ZFPM1: variants seen among roughly 807,000 people sequenced by gnomAD.
The protein encoded by ZFPM1 is zinc finger protein ZFPM1.
A neutral mutation model predicts 46.3 loss-of-function variants in ZFPM1; 28 were observed. That is an observed-to-expected ratio of 0.60 (90% CI 0.45 to 0.83). ZFPM1 has a LOEUF of 0.83. Among genes scored for constraint, ZFPM1 ranks in the 40% least tolerant of loss-of-function variants. ZFPM1 has a pLI of 0.00. For synonymous variants in ZFPM1, 957 were observed against 675.9 expected (o/e 1.42, Z -6.45); for missense variants, 1,878 against 1,432.4 (o/e 1.31, Z -5.02).
intron 1 of ZFPM1, among the ~76,000 whole-genome samples, chr16:88,467,394 C>G (rs991331469): frequency 5.3e-5 from 8 of 152,254 alleles, no homozygotes; most frequent in African/African-American, 1.9e-4. Flanking sequence ...GCCAACCCCC[C>G]TGAGGTCTCC....
At chr16:88,526,724 CCGT>C (rs1251505393) in intron 4 of ZFPM1, 87 bp from the exon 5 acceptor site, 1 of 1,380,686 alleles carries the variant, frequency 7.2e-7, no homozygotes, top group Non-Finnish European at 9.9e-7. Context: ...GGAGGCAGAT[CCGT>C]GTCACAGATG....
chr16:88,509,442 A>G (rs1210432038), intron 3 of ZFPM1, among the ~76,000 whole-genome samples: 1 of 152,188 alleles, frequency 6.6e-6, no homozygotes, highest in Non-Finnish European at 1.5e-5. Context: ...CGAGACTACC[A>G]GCCATTAGGC....
At chr16:88,453,082 G>C (rs1001376760), upstream of ZFPM1, among the ~76,000 whole-genome samples, 1 of 151,108 alleles carries the variant, frequency 6.6e-6, no homozygotes, top group African/African-American at 2.4e-5. Flanking sequence ...CGAGGCGGGC[G>C]GGGGCGCGGT....
At chr16:88,464,879 C>T (rs1908062625) in intron 1 of ZFPM1, among the ~76,000 whole-genome samples, 1 of 152,340 alleles carries the variant, frequency 6.6e-6, no homozygotes, top group East Asian at 1.9e-4. Flanking sequence ...AGCCTCTCCA[C>T]CCATTAACAT....
chr16:88,511,213 C>T (rs1597263556), intron 3 of ZFPM1, among the ~76,000 whole-genome samples: 1 of 152,194 alleles, frequency 6.6e-6, no homozygotes, highest in Non-Finnish European at 1.5e-5. Context: ...CCTGTGTTTT[C>T]TGGGAGCCCC....
intron 4 of ZFPM1, among the ~76,000 whole-genome samples, chr16:88,517,256 G>T (rs1481671164): frequency 6.6e-6 from 1 of 150,812 alleles, no homozygotes; most frequent in Non-Finnish European, 1.5e-5. Flanking sequence ...ATGGATGGAT[G>T]GATGGATGGA....
chr16:88,500,821 G>T (rs116727028), intron 3 of ZFPM1, among the ~76,000 whole-genome samples: 1 of 152,244 alleles, frequency 6.6e-6, no homozygotes, highest in African/African-American at 2.4e-5. Context: ...GCAAGTCTGC[G>T]TGGTCAGCTC....
intron 4 of ZFPM1, among the ~76,000 whole-genome samples, chr16:88,521,869 C>A (rs1911930801): frequency 6.7e-6 from 1 of 150,118 alleles, no homozygotes. Context: ...TCCCTCCTCT[C>A]TGTTTCCTCC....
chr16:88,462,849 G>A (rs1019899553), intron 1 of ZFPM1, among the ~76,000 whole-genome samples: 3 of 152,128 alleles, frequency 2.0e-5, no homozygotes, highest in African/African-American at 4.8e-5. Context: ...CTATAAAATG[G>A]AGCAGTGATG....
At chr16:88,527,683 G>A (rs999183962) in intron 5 of ZFPM1, among the ~76,000 whole-genome samples, 3 of 151,968 alleles carry the variant, frequency 2.0e-5, no homozygotes, top group African/African-American at 4.8e-5. Flanking sequence ...CTGGAGAGCC[G>A]GGTCCACTCT....
At chr16:88,472,203 G>A (rs558285650) in intron 1 of ZFPM1, among the ~76,000 whole-genome samples, 1 of 151,784 alleles carries the variant, frequency 6.6e-6, no homozygotes, top group South Asian at 2.1e-4. Flanking sequence ...GCACGGTGGT[G>A]GGCAGGGCAG....
intron 3 of ZFPM1, among the ~76,000 whole-genome samples, chr16:88,506,955 C>A (rs1484056058): frequency 2.6e-5 from 4 of 152,262 alleles, no homozygotes; most frequent in Non-Finnish European, 5.9e-5. Flanking sequence ...TCCATCTCGG[C>A]TGTCCCGAGT....
intron 4 of ZFPM1, chr16:88,516,787 TTC>T (rs1340143792): frequency 7.7e-6 from 3 of 388,576 alleles, no homozygotes. Context: ...CCAGTTTTTC[TTC>T]TCTCTTTGTA....
Position 88,526,889 on chromosome 16 carries a change from G to T in ZFPM1, c.478G>T (p.Glu160Ter). Residue 160 changes from glutamate to a stop codon, truncating the protein, a stop_gained, in exon 5 of 10, where the codon GAG becomes TAG. Transcript: ENST00000319555. LOFTEE classifies it high-confidence loss of function. ...GCTGCCCCAGGCCCTGACTGAGGCC[G>T]AGGCCAACACAGAGATCCACAGGAA... ...RTLPQALTEA[E>*]ANTEIHRKDD... 6.3e-7 allele frequency: 1 copy of T among 1,579,506 alleles called. No homozygotes were observed. Among genetic ancestry groups the T allele is most frequent in the East Asian group, 2.3e-5 (1 of 43,146 alleles).
Position 88,532,237 on chromosome 16 carries a change from T to C in ZFPM1, c.946+2T>C. On this transcript the variant is annotated splice_donor_variant, in intron 7 of 9. Transcript: ENST00000319555. LOFTEE classifies it high-confidence loss of function. ...AGATCCACATGCGCAGCCACAGCGG[T>C]GAGCCCCCACCCCGGACGCGGGTCC... 6.3e-7 allele frequency: 1 copy of C among 1,595,122 alleles called. No individual in the cohort carries two copies. The highest frequency in any genetic ancestry group is 8.6e-7 in the Non-Finnish European group (1 of 1,167,516).
chr16:88,516,401 T>G, intron 4 of ZFPM1: 1 of 397,620 alleles, frequency 2.5e-6, no homozygotes. Flanking sequence ...CGCTCCCAAG[T>G]GGGGAGATAA....
At position 88,475,210 on chromosome 16, in the gene ZFPM1, C is replaced by T. The variant is rs575295742; in HGVS notation, c.41-10729C>T. On this transcript the variant is annotated intron_variant, in intron 1 of 9. Coordinates refer to ENST00000319555, the MANE Select transcript of ZFPM1 (RefSeq NM_153813.3). ...AGCAGGCGAGGCAGGTGGACGCTCCCGTGGGGTGTCGAGGGTGCCCTGGCT... is the reference window on the plus strand; with the variant it reads ...AGCAGGCGAGGCAGGTGGACGCTCCTGTGGGGTGTCGAGGGTGCCCTGGCT... Among the ~76,000 whole-genome samples the T allele has an allele frequency of 2.6e-5, 4 of 152,356 alleles. No individual in the cohort carries two copies. The South Asian group carries it at 6.2e-4, about 24-fold the overall frequency.
intron 1 of ZFPM1, among the ~76,000 whole-genome samples, chr16:88,464,409 C>T (rs1388061190): frequency 6.6e-6 from 1 of 152,248 alleles, no homozygotes; most frequent in Non-Finnish European, 1.5e-5. Flanking sequence ...GGTGTTTGCA[C>T]CTCAGTCCTG....
intron 1 of ZFPM1, among the ~76,000 whole-genome samples, chr16:88,485,440 C>CT (rs56232487): frequency 0.33 from 46,335 of 139,162 alleles, 7,878 homozygotes; most frequent in East Asian, 0.48. Flanking sequence ...ATCATCAGGT[C>CT]TTTTTTTTTT....
Sources: gnomAD v4.1 joint callset for allele counts (sites outside exome capture counted in the v4.1 genomes callset) on GRCh38, gnomAD v4.1.1 for gene constraint, MANE v1.5 for transcripts, NCBI Gene and HGNC (gene_info 2026-07-23, HGNC 2026-07-21) for gene names.